The following ADK variants were observed in gnomAD, a reference collection of about 807,000 sequenced individuals.
ADK encodes the protein adenosine kinase.
In ADK, 24 loss-of-function variants were observed where a neutral mutation model predicts 44.7. The observed-to-expected ratio is 0.54, with a 90% CI of 0.39 to 0.76. The LOEUF is 0.76. ADK is among the 30% of genes least tolerant of loss of function. ADK has a pLI of 0.00. For missense variants in ADK, 321 were observed against 425.1 expected (o/e 0.76, Z 2.15); for synonymous variants, 128 against 142.6 (o/e 0.90, Z 0.73).
intron 3 of ADK, among the ~76,000 whole-genome samples, chr10:74,269,485 A>G (rs1244299433): frequency 6.6e-6 from 1 of 152,226 alleles, no homozygotes; most frequent in African/African-American, 2.4e-5. Flanking sequence ...TATTTTATAG[A>G]CACAAACCAC....
At chr10:74,532,807 A>G (rs1324009421) in intron 7 of ADK, among the ~76,000 whole-genome samples, 1 of 150,926 alleles carries the variant, frequency 6.6e-6, no homozygotes, top group Non-Finnish European at 1.5e-5. Context: ...AGGCTGAGGC[A>G]GGAGAACCCG....
chr10:74,678,091 A>C (rs1489486838), intron 10 of ADK, among the ~76,000 whole-genome samples: 1 of 145,036 alleles, frequency 6.9e-6, no homozygotes, highest in Non-Finnish European at 1.5e-5. Context: ...CAGTGAGCTG[A>C]GGTCACGCCA....
chr10:74,217,819 T>A (rs1270785148), intron 2 of ADK, among the ~76,000 whole-genome samples: 2 of 151,916 alleles, frequency 1.3e-5, no homozygotes, highest in Non-Finnish European at 2.9e-5. Flanking sequence ...GTCCTGTCTG[T>A]TAGAAGGAAA....
At chr10:74,178,751 T>A (rs918798846) in intron 1 of ADK, among the ~76,000 whole-genome samples, 3 of 152,224 alleles carry the variant, frequency 2.0e-5, no homozygotes, top group African/African-American at 7.2e-5. Context: ...TGCTTGTTTC[T>A]TCAGATGTCA....
chr10:74,225,918 A>G (rs1844516742), intron 3 of ADK, among the ~76,000 whole-genome samples: 2 of 152,174 alleles, frequency 1.3e-5, no homozygotes, highest in African/African-American at 4.8e-5. Context: ...GTAGTTGGTG[A>G]GCCTTAAAAG....
At chr10:74,223,779 A>G (rs1844417316) in intron 2 of ADK, among the ~76,000 whole-genome samples, 1 of 152,070 alleles carries the variant, frequency 6.6e-6, no homozygotes, top group African/African-American at 2.4e-5. Context: ...TAGCTAGTAA[A>G]TGGTCAATCA....
intron 9 of ADK, among the ~76,000 whole-genome samples, chr10:74,668,488 G>C (rs1260853484): frequency 1.3e-5 from 2 of 152,214 alleles, no homozygotes; most frequent in Admixed American, 6.5e-5. Flanking sequence ...CCTAATCCCA[G>C]CACTTTGGGA....
In ADK at chr10:74,224,527, C is replaced by T. The variant is rs1844453691; in HGVS notation, c.141-11C>T. 3 of 1,612,590 alleles carry T rather than the reference C, an allele frequency of 1.9e-6. No homozygotes were observed. Among genetic ancestry groups the T allele is most frequent in the Non-Finnish European group, 2.5e-6 (3 of 1,178,982 alleles). On this transcript the variant is annotated splice_polypyrimidine_tract_variant and intron_variant, in intron 2 of 10. Transcript: ENST00000539909. ...TGTATGAAGAGTGTAATTTTCGTTT[C>T]TGTTATACAGGTATTCTCTGAAACC...
intron 9 of ADK, among the ~76,000 whole-genome samples, chr10:74,639,340 T>A (rs1161868158): frequency 6.6e-6 from 1 of 152,242 alleles, no homozygotes; most frequent in East Asian, 1.9e-4. Flanking sequence ...GGAATTTAAA[T>A]AATCAAAAGT....
In ADK at chr10:74,300,311, T is replaced by TTTCCTTCC. The variant is rs1213221623; in HGVS notation, c.195-14313_195-14306dup. ...CCTTCCTTCCTTCCTTCCTTCCTTC[T>TTTCCTTCC]TTCCTTCCTTCCTTCCTTCCTTCCT... is the stretch of plus-strand genomic sequence containing the variant. On this transcript the variant is annotated intron_variant, in intron 3 of 10. Transcript: ENST00000539909. Among the ~76,000 whole-genome samples the TTTCCTTCC allele has an allele frequency of 6.4e-3, 429 of 66,870 alleles. 2 individuals carry two copies. Among genetic ancestry groups the TTTCCTTCC allele is most frequent in the East Asian group, 0.018 (33 of 1,838 alleles). The allele number at this position is 66,870 out of a possible 152,430, so 43.9% of individuals were successfully genotyped here.
chr10:74,557,189 G>A (rs1221887958), intron 7 of ADK, among the ~76,000 whole-genome samples: 3 of 152,110 alleles, frequency 2.0e-5, no homozygotes, highest in African/African-American at 7.2e-5. Flanking sequence ...ACTGAAACGT[G>A]TAAGAAGTGA....
rs145403811 is a variant in ADK, at chr10:74,309,974, C to T, written c.195-4693C>T. Among the ~76,000 whole-genome samples, 3 of 152,026 alleles carry T rather than the reference C, an allele frequency of 2.0e-5. 1 individual carries two copies. The highest frequency in any genetic ancestry group is 4.1e-4 in the South Asian group (2 of 4,828). On this transcript the variant is annotated intron_variant, in intron 3 of 10. Transcript: ENST00000539909. Reference sequence around the variant, plus strand: ...TACATTTGTTTAATATTACTATATTCATCTTTGTTGTAATTTTTTCCTGTA... The same window carrying T: ...TACATTTGTTTAATATTACTATATTTATCTTTGTTGTAATTTTTTCCTGTA...
intron 1 of ADK, among the ~76,000 whole-genome samples, chr10:74,161,399 C>T (rs763166906): frequency 1.3e-4 from 20 of 152,088 alleles, no homozygotes; most frequent in Admixed American, 2.6e-4. Context: ...TTAGTACAGA[C>T]GGGGTTTCAC....
At chr10:74,174,098 T>A (rs1343991191) in intron 1 of ADK, among the ~76,000 whole-genome samples, 2 of 143,498 alleles carry the variant, frequency 1.4e-5, no homozygotes, top group Non-Finnish European at 3.1e-5. Context: ...AGGTCAGGAG[T>A]TCAAGCCCAG....
At chr10:74,164,784 A>G (rs1841993210) in intron 1 of ADK, among the ~76,000 whole-genome samples, 1 of 152,136 alleles carries the variant, frequency 6.6e-6, no homozygotes, top group Non-Finnish European at 1.5e-5. Flanking sequence ...CATTTTTCAA[A>G]TGTAAAAAAA....
chr10:74,201,644 A>ATATATATG (rs1554828688), intron 2 of ADK, among the ~76,000 whole-genome samples: 185 of 89,614 alleles, frequency 2.1e-3, no homozygotes, highest in Middle Eastern at 7.5e-3. Context: ...GTGTGTGTGT[A>ATATATATG]TATGTATGTA....
At chr10:74,573,383 C>T (rs1405352856) in intron 7 of ADK, among the ~76,000 whole-genome samples, 8 of 152,156 alleles carry the variant, frequency 5.3e-5, no homozygotes, top group Admixed American at 1.3e-4. Flanking sequence ...CAGAGGAGTG[C>T]CCGGCCGTGT....
intron 6 of ADK, among the ~76,000 whole-genome samples, chr10:74,453,957 T>G (rs567559582): frequency 6.6e-6 from 1 of 152,236 alleles, no homozygotes; most frequent in African/African-American, 2.4e-5. Flanking sequence ...AGACAGAACT[T>G]TTTCTAAATT....
chr10:74,272,419 G>A (rs757514935), intron 3 of ADK, among the ~76,000 whole-genome samples: 8 of 151,950 alleles, frequency 5.3e-5, no homozygotes, highest in Admixed American at 2.6e-4. Context: ...GGGACTACAG[G>A]CGCGCACTAC....
Sources: allele counts gnomAD v4.1 joint callset (sites outside exome capture counted in the v4.1 genomes callset), GRCh38; gene constraint gnomAD v4.1.1; transcripts MANE v1.5; gene names NCBI Gene and HGNC (gene_info 2026-07-23, HGNC 2026-07-21).